Variants in RAP2A observed in about 807,000 individuals in gnomAD.
RAP2A encodes the protein ras-related protein Rap-2a.
In RAP2A, 5 loss-of-function variants were observed where a neutral mutation model predicts 15.1. That is an observed-to-expected ratio of 0.33 (90% confidence interval 0.17 to 0.70). The LOEUF (loss-of-function observed/expected upper bound fraction) is 0.70. RAP2A is among the 30% of genes least tolerant of loss of function. The pLI is 0.68. For synonymous variants in RAP2A, 110 were observed against 99.7 expected (o/e 1.10, Z -0.62); for missense variants, 111 against 240.3 (o/e 0.46, Z 3.56).
At chr13:97,451,718 T>A (rs1170168519) in intron 1 of RAP2A, among the ~76,000 whole-genome samples, 1 of 146,170 alleles carries the variant, frequency 6.8e-6, no homozygotes, top group East Asian at 1.9e-4. Flanking sequence ...TGTTCAGTAC[T>A]AATGTATACT....
In RAP2A at chr13:97,435,465, CAAAAAAAAA is replaced by C. The variant is rs35791914; in HGVS notation, c.314+695_314+703del. The stretch of plus-strand genomic sequence containing the variant: ...TTAATATAGCCGCCTTAACCCCTTC[CAAAAAAAAA>C]AAAAAAAAAAAAACACCACCACACC... On this transcript the variant is annotated intron_variant, in intron 1 of 1. Coordinates refer to ENST00000245304, the MANE Select transcript of RAP2A (RefSeq NM_021033.7). Among the ~76,000 whole-genome samples the C allele has an allele frequency of 1.9e-4, 12 of 63,652 alleles. No individual in the cohort carries two copies. In the South Asian group the frequency reaches 3.1e-3, roughly 17 times the overall value. The allele number at this position is 63,652 out of a possible 152,430, so 41.8% of individuals were successfully genotyped here.
intron 1 of RAP2A, among the ~76,000 whole-genome samples, chr13:97,453,557 G>GTCA (rs1203491447): frequency 1.3e-5 from 2 of 151,234 alleles, no homozygotes; most frequent in Non-Finnish European, 2.9e-5. Flanking sequence ...GTATCCATAG[G>GTCA]TCATTCCTTA....
intron 1 of RAP2A, among the ~76,000 whole-genome samples, chr13:97,446,576 A>G (rs2066680647): frequency 6.6e-6 from 1 of 152,208 alleles, no homozygotes; most frequent in South Asian, 2.1e-4. Flanking sequence ...TCCATAGAGT[A>G]TGCTGGAAGT....
At chr13:97,457,245 G>C (rs908928123) in intron 1 of RAP2A, among the ~76,000 whole-genome samples, 3 of 151,632 alleles carry the variant, frequency 2.0e-5, no homozygotes, top group Admixed American at 1.3e-4. Flanking sequence ...AAACACGTGA[G>C]AGATATATAT....
intron 1 of RAP2A, 97 bp downstream of exon 1, chr13:97,434,881 G>T (rs895858137): frequency 4.7e-6 from 7 of 1,504,494 alleles, no homozygotes; most frequent in Non-Finnish European, 6.3e-6. Context: ...GGGGCTTTCT[G>T]GGGGGTGGCT....
rs1354029477 is a variant in RAP2A, at chr13:97,465,671, CAAATA to C, written c.*1232_*1236del. The C allele has an allele frequency of 6.6e-6, 1 of 152,170 alleles. No homozygotes were observed. The highest frequency in any genetic ancestry group is 1.5e-5 in the Non-Finnish European group (1 of 68,014). The allele number at this position is 152,170 out of a possible 1,614,324, so 9.4% of individuals were successfully genotyped here. On this transcript the variant is annotated 3_prime_UTR_variant, in exon 2 of 2. Coordinates refer to ENST00000245304, the MANE Select transcript of RAP2A (RefSeq NM_021033.7). Reference sequence around the variant, plus strand: ...AATTTTGCCCTGATTACTGAAGCGTCAAATAAAGCTGGAGTGAAAATTTTGTTTTG... The same window carrying C: ...AATTTTGCCCTGATTACTGAAGCGTCAAGCTGGAGTGAAAATTTTGTTTTG...
chr13:97,436,777 G>T (rs1253855548), intron 1 of RAP2A, among the ~76,000 whole-genome samples: 1 of 152,130 alleles, frequency 6.6e-6, no homozygotes, highest in Non-Finnish European at 1.5e-5. Flanking sequence ...CTCAGTTCTT[G>T]ATATAAAAAG....
rs760587962 is a variant in RAP2A at position 97,466,194 on chromosome 13, T to C, written c.*1752T>C. 6.6e-6 allele frequency: 1 copy of C among 151,288 alleles called. No homozygotes were observed. The highest frequency in any genetic ancestry group is 1.5e-5 in the Non-Finnish European group (1 of 67,942). 9.4% of individuals were successfully genotyped at this position (151,288 alleles called of 1,614,324 possible). On this transcript the variant is annotated 3_prime_UTR_variant, in exon 2 of 2. Transcript: ENST00000245304. ...CCCCCCAAGTGTTTAATAACTGGCA[T>C]TAAGCTTAGAGGGTGAAAAAAAAAA...
intron 1 of RAP2A, among the ~76,000 whole-genome samples, chr13:97,453,045 CT>C (rs535941210): frequency 6.0e-5 from 9 of 150,870 alleles, no homozygotes; most frequent in African/African-American, 2.2e-4. Flanking sequence ...TTGTTTGTGT[CT>C]TTTTTTTCTT....
chr13:97,448,474 A>G (rs1461539487), intron 1 of RAP2A, among the ~76,000 whole-genome samples: 1 of 152,072 alleles, frequency 6.6e-6, no homozygotes. Flanking sequence ...ACACCACACT[A>G]AGCTGTTAGT....
Position 97,464,480 on chromosome 13 carries a change from T to C in RAP2A, c.*38T>C, listed in dbSNP as rs1490287435. On this transcript the variant is annotated 3_prime_UTR_variant, in exon 2 of 2. Transcript: ENST00000245304. The stretch of plus-strand genomic sequence containing the variant: ...GCTGTCCTGGATGGGATTTGCCCAA[T>C]GTCGTAGGTGATAGAAAACTCGCCT... The C allele has an allele frequency of 1.9e-6, 3 of 1,591,288 alleles. No homozygotes were observed. Among genetic ancestry groups the C allele is most frequent in the Middle Eastern group, 1.7e-4 (1 of 6,022 alleles).
In RAP2A at chr13:97,434,388, C is replaced by G. The variant is rs2066623410; in HGVS notation, c.-83C>G. 9.9e-6 allele frequency: 10 copies of G among 1,008,378 alleles called. No individual in the cohort carries two copies. Among genetic ancestry groups the G allele is most frequent in the Non-Finnish European group, 1.2e-5 (10 of 844,816 alleles). The allele number at this position is 1,008,378 out of a possible 1,614,324, so 62.5% of individuals were successfully genotyped here. Reference sequence around the variant, plus strand: ...CAGCGGGAGGCGGCGGGGCGGGCCGCCGGGGCCGGGGCTGGGGGCGCAGCG... The same window carrying G: ...CAGCGGGAGGCGGCGGGGCGGGCCGGCGGGGCCGGGGCTGGGGGCGCAGCG... On this transcript the variant is annotated 5_prime_UTR_variant, in exon 1 of 2. Coordinates refer to ENST00000245304, the MANE Select transcript of RAP2A (RefSeq NM_021033.7).
intron 1 of RAP2A, chr13:97,441,804 T>G (rs2066659182): frequency 2.2e-6 from 1 of 445,472 alleles, no homozygotes; most frequent in South Asian, 1.6e-5. Context: ...TACTCTAAGT[T>G]TTTTTGGAGT....
intron 1 of RAP2A, among the ~76,000 whole-genome samples, chr13:97,439,974 T>G (rs2066650302): frequency 6.6e-6 from 1 of 152,162 alleles, no homozygotes; most frequent in African/African-American, 2.4e-5. Flanking sequence ...TGTTTACACT[T>G]TCCCCCTTAC....
intron 1 of RAP2A, among the ~76,000 whole-genome samples, chr13:97,454,171 T>C (rs2066713370): frequency 6.6e-6 from 1 of 151,394 alleles, no homozygotes; most frequent in Non-Finnish European, 1.5e-5. Flanking sequence ...GTTTATATGA[T>C]ATATCTTTTT....
chr13:97,458,497 GGTCACAAAGTA>G (rs995476362), intron 1 of RAP2A, among the ~76,000 whole-genome samples: 3 of 152,090 alleles, frequency 2.0e-5, no homozygotes, highest in African/African-American at 7.2e-5. Context: ...TGTTGTTTGG[GGTCACAAAGTA>G]GTAGATTAGG....
chr13:97,440,624 A>G (rs977154444), intron 1 of RAP2A, among the ~76,000 whole-genome samples: 1 of 152,072 alleles, frequency 6.6e-6, no homozygotes, highest in Non-Finnish European at 1.5e-5. Flanking sequence ...AGTGTTTTTC[A>G]TGATCTTTTT....
At chr13:97,441,217 G>A (rs1014024492) in intron 1 of RAP2A, among the ~76,000 whole-genome samples, 1 of 152,092 alleles carries the variant, frequency 6.6e-6, no homozygotes, top group Non-Finnish European at 1.5e-5. Context: ...TCAGCAGCCT[G>A]TGACCCACAA....
At chr13:97,441,748 T>C (rs1166193194) in intron 1 of RAP2A, 1 of 449,042 alleles carries the variant, frequency 2.2e-6, no homozygotes. Context: ...ACTGTTTTTT[T>C]ACACACTTAT....
Sources: allele counts gnomAD v4.1 joint callset (sites outside exome capture counted in the v4.1 genomes callset), GRCh38; gene constraint gnomAD v4.1.1; transcripts MANE v1.5; gene names NCBI Gene and HGNC (gene_info 2026-07-23, HGNC 2026-07-21).